Variants in ST14 observed in about 807,000 individuals in gnomAD.
ST14 encodes the protein ST14 transmembrane serine protease matriptase, also known as suppressor of tumorigenicity 14 protein.
ST14 carries 40 observed loss-of-function variants against 96.5 expected under a neutral mutation model. That is an observed-to-expected ratio of 0.41 (90% CI 0.32 to 0.54). The LOEUF is 0.54. Among genes scored for constraint, ST14 ranks in the 20% least tolerant of loss-of-function variants. The pLI is 0.17. For synonymous variants in ST14, 506 were observed against 492.1 expected (o/e 1.03, Z -0.37); for missense variants, 1,066 against 1,188.9 (o/e 0.90, Z 1.52).
rs1953485533 is a variant in ST14, at chr11:130,206,198, CTG to C, written c.1995-2208_1995-2207del. ...TGCCTCTCAATTTGGGTTTTCCCGACTGTGTTTTCATGGCTGAGTTAGGAAGC... is the reference window on the plus strand; with the variant it reads ...TGCCTCTCAATTTGGGTTTTCCCGACTGTTTTCATGGCTGAGTTAGGAAGC... On this transcript the variant is annotated intron_variant, in intron 16 of 18. Coordinates refer to ENST00000278742, the MANE Select transcript of ST14 (RefSeq NM_021978.4). Among the ~76,000 whole-genome samples the C allele has an allele frequency of 4.6e-5, 7 of 152,318 alleles. No individual in the cohort carries two copies. The South Asian group carries it at 1.4e-3, about 32-fold the overall frequency.
At chr11:130,166,604 T>C (rs918663405) in intron 1 of ST14, among the ~76,000 whole-genome samples, 2 of 152,144 alleles carry the variant, frequency 1.3e-5, no homozygotes, top group Non-Finnish European at 2.9e-5. Context: ...TTGTATGACT[T>C]GATTATGAGT....
At chr11:130,194,835 T>G in intron 9 of ST14, 98 bp downstream of exon 9, 1 of 1,222,804 alleles carries the variant, frequency 8.2e-7, no homozygotes, top group Non-Finnish European at 1.2e-6. Flanking sequence ...TGTGTGCATG[T>G]GTTTGCATAT....
intron 8 of ST14, 105 bp from the exon 9 acceptor site, chr11:130,194,535 A>G: frequency 3.2e-6 from 4 of 1,256,174 alleles, no homozygotes; most frequent in Middle Eastern, 4.3e-4. Flanking sequence ...TGCAGCATCC[A>G]CGCGTCCAGG....
At position 130,208,627 on chromosome 11, in the gene ST14, G is replaced by A. The variant is rs1436343391; in HGVS notation, c.2212G>A (p.Val738Ile). ...RPICLPDASHVFPAGKAIWVT... is the reference protein window; with the variant it reads ...RPICLPDASHIFPAGKAIWVT... ...CATCTGCCTGCCGGACGCCTCCCAT[G>A]TCTTCCCTGCCGGCAAGGCCATCTG... The change falls in exon 17 of 19, where the codon GTC becomes ATC. Residue 738 changes from valine (V) to isoleucine (I), a missense_variant. By Grantham distance (29) the Val-to-Ile change is conservative. Coordinates refer to ENST00000278742, the MANE Select transcript of ST14 (RefSeq NM_021978.4). 2 of 1,613,902 alleles carry A rather than the reference G, an allele frequency of 1.2e-6. No individual in the cohort carries two copies. The highest frequency in any genetic ancestry group is 1.3e-5 in the African/African-American group (1 of 74,948).
chr11:130,165,646 G>C (rs1314975316), intron 1 of ST14, among the ~76,000 whole-genome samples: 1 of 152,202 alleles, frequency 6.6e-6, no homozygotes, highest in Non-Finnish European at 1.5e-5. Flanking sequence ...TGCTGAGGTG[G>C]TGGTGGGGAT....
intron 1 of ST14, among the ~76,000 whole-genome samples, chr11:130,163,006 T>A (rs1169600277): frequency 6.6e-6 from 1 of 152,208 alleles, no homozygotes; most frequent in Admixed American, 6.5e-5. Context: ...CCAGGTTTGT[T>A]GAAAGGATTA....
intron 17 of ST14, 44 bp downstream of exon 17, chr11:130,208,728 CT>C: frequency 1.3e-6 from 2 of 1,585,352 alleles, no homozygotes; most frequent in Middle Eastern, 2.0e-4. Context: ...GGCCTGGGGC[CT>C]TTCTCCAAGG....
At chr11:130,200,786 T>C (rs1258211429) in intron 16 of ST14, among the ~76,000 whole-genome samples, 1 of 152,210 alleles carries the variant, frequency 6.6e-6, no homozygotes, top group Non-Finnish European at 1.5e-5. Context: ...GTATCCTCAC[T>C]ACAGAAAGTA....
At chr11:130,193,555 C>T (rs376483950) in intron 7 of ST14, among the ~76,000 whole-genome samples, 1 of 151,768 alleles carries the variant, frequency 6.6e-6, no homozygotes, top group Non-Finnish European at 1.5e-5. Context: ...CTGCAACCTC[C>T]GCCTCCCGGG....
At position 130,186,369 on chromosome 11, in the gene ST14, C is replaced by T. The variant is rs570323362; in HGVS notation, c.82-1745C>T. Among the ~76,000 whole-genome samples the T allele has an allele frequency of 1.6e-4, 25 of 152,136 alleles. 1 individual carries two copies. The highest frequency in any genetic ancestry group is 6.5e-4 in the Admixed American group (10 of 15,280). The stretch of plus-strand genomic sequence containing the variant: ...ATGATCCAGGAAATAGGAGTTTTAA[C>T]GCAGAAGGAGATTAAGGAAAATCCC... On this transcript the variant is annotated intron_variant, in intron 1 of 18. Coordinates refer to ENST00000278742, the MANE Select transcript of ST14 (RefSeq NM_021978.4).
At chr11:130,196,833 T>C (rs1953371153) in intron 11 of ST14, 133 bp downstream of exon 11, 6 of 1,374,274 alleles carry the variant, frequency 4.4e-6, no homozygotes, top group Non-Finnish European at 6.1e-6. Flanking sequence ...ACCCCTCCCG[T>C]AGCTTTGGGA....
At chr11:130,179,451 C>T (rs1350488564) in intron 1 of ST14, among the ~76,000 whole-genome samples, 1 of 152,150 alleles carries the variant, frequency 6.6e-6, no homozygotes, top group African/African-American at 2.4e-5. Flanking sequence ...TTTCCTTTCT[C>T]ATTTGCCCAT....
intron 16 of ST14, among the ~76,000 whole-genome samples, chr11:130,201,416 C>G (rs564092299): frequency 6.6e-6 from 1 of 152,362 alleles, no homozygotes; most frequent in Non-Finnish European, 1.5e-5. Flanking sequence ...CTGCCCTTTG[C>G]AGGGAGGAGA....
chr11:130,161,780 C>T (rs943837372), intron 1 of ST14, among the ~76,000 whole-genome samples: 3 of 152,218 alleles, frequency 2.0e-5, no homozygotes, highest in Non-Finnish European at 4.4e-5. Context: ...CTTTATTGAA[C>T]TAACTCAGTA....
intron 14 of ST14, 105 bp downstream of exon 14, chr11:130,198,726 C>G (rs2136217445): frequency 7.5e-7 from 1 of 1,330,000 alleles, no homozygotes; most frequent in East Asian, 2.4e-5. Context: ...GAACACAAAC[C>G]ACCTGTGTGT....
At chr11:130,161,920 A>G (rs1953001645) in intron 1 of ST14, among the ~76,000 whole-genome samples, 1 of 152,232 alleles carries the variant, frequency 6.6e-6, no homozygotes, top group Non-Finnish European at 1.5e-5. Context: ...CGGAGTGTCC[A>G]GAGGAAATTG....
chr11:130,208,349 C>G (rs945949114), intron 16 of ST14, 61 bp from the exon 17 acceptor site: 9 of 1,611,118 alleles, frequency 5.6e-6, no homozygotes, highest in Non-Finnish European at 7.6e-6. Flanking sequence ...CGCGCGGGGC[C>G]GCGAGGCCGT....
intron 1 of ST14, among the ~76,000 whole-genome samples, chr11:130,172,261 A>C (rs942752315): frequency 2.0e-5 from 3 of 150,952 alleles, no homozygotes; most frequent in African/African-American, 7.3e-5. Flanking sequence ...CCACCATGCT[A>C]AGCTAATTTT....
Position 130,196,398 on chromosome 11 carries a change from C to T in ST14, c.1173C>T (p.Gly391=), listed in dbSNP as rs769901636. The change falls in exon 10 of 19, where the codon GGC becomes GGT. Residue 391 remains glycine, a synonymous_variant. Transcript: ENST00000278742. ...RFKFFYLLEP[G]VPAGTCPKDY... The stretch of plus-strand genomic sequence containing the variant: ...AATTCTTCTACCTGCTGGAGCCCGG[C>T]GTGCCTGCGGGCACCTGCCCCAAGG... 1.7e-5 allele frequency: 27 copies of T among 1,610,128 alleles called. No homozygotes were observed. The highest frequency in any genetic ancestry group is 6.7e-5 in the East Asian group (3 of 44,740).
Sources: gnomAD v4.1 joint callset for allele counts (sites outside exome capture counted in the v4.1 genomes callset) on GRCh38, gnomAD v4.1.1 for gene constraint, MANE v1.5 for transcripts, NCBI Gene and HGNC (gene_info 2026-07-23, HGNC 2026-07-21) for gene names.